Variants in MRM3 observed in about 807,000 individuals in gnomAD.
The protein encoded by MRM3 is rRNA methyltransferase 3, mitochondrial.
In MRM3, 26 loss-of-function variants were observed where a neutral mutation model predicts 29.4. The observed-to-expected ratio is 0.89, with a 90% confidence interval of 0.65 to 1.23. The LOEUF is 1.23. Ranked by LOEUF, MRM3 falls within the 50% of genes most tolerant of loss-of-function variation. The probability of loss-of-function intolerance (pLI) is 0.00; values close to 1 mark genes in which losing one functional copy is unlikely to be tolerated. For missense variants in MRM3, 578 were observed against 540.2 expected, an observed-to-expected ratio of 1.07 and a Z score of -0.69; for synonymous variants, 225 against 219.0, an observed-to-expected ratio of 1.03 and a Z score of -0.24.
At position 792,430 on chromosome 17, in the gene MRM3, C is replaced by T. The variant is rs1001047437; in HGVS notation, c.*361C>T. On this transcript the variant is annotated 3_prime_UTR_variant, in exon 4 of 4. Coordinates refer to ENST00000304478, the MANE Select transcript of MRM3 (RefSeq NM_018146.4). Reference sequence around the variant, plus strand: ...GGTGGGTGTTTGTAATCGCCAAGCACCAGCTATAGGTCACAGCCACATCAC... The same window carrying T: ...GGTGGGTGTTTGTAATCGCCAAGCATCAGCTATAGGTCACAGCCACATCAC... 11 of 243,316 alleles carry T rather than the reference C, an allele frequency of 4.5e-5. No individual in the cohort carries two copies. In the Admixed American group the frequency reaches 4.5e-4, roughly 10 times the overall value. The allele number at this position is 243,316 out of a possible 1,614,324, so 15.1% of individuals were successfully genotyped here.
intron 3 of MRM3, among the ~76,000 whole-genome samples, chr17:791,090 G>C (rs1219310029): frequency 6.6e-6 from 1 of 152,192 alleles, no homozygotes; most frequent in African/African-American, 2.4e-5. Context: ...TCTGTCCTCT[G>C]CCTGGGCCTT....
At position 787,634 on chromosome 17, in the gene MRM3, C is replaced by T. The variant is rs538675401; in HGVS notation, c.560-331C>T. Among the ~76,000 whole-genome samples, 5 of 152,208 alleles carry T rather than the reference C, an allele frequency of 3.3e-5. No homozygotes were observed. The South Asian group carries it at 1.0e-3, about 32-fold the overall frequency. ...CGTGATCTTGGCTCACCACAACCTCCACCTCCCAGATTCAAGCGATTCTCC... is the reference window on the plus strand; with the variant it reads ...CGTGATCTTGGCTCACCACAACCTCTACCTCCCAGATTCAAGCGATTCTCC... On this transcript the variant is annotated intron_variant, in intron 2 of 3. Transcript: ENST00000304478. This position sits in a 1 kb window ranked among gnomAD's most constrained non-coding sequence, Gnocchi z 4.1.
Position 787,227 on chromosome 17 carries a change from CAG to C in MRM3, c.560-735_560-734del, listed in dbSNP as rs1910575390. 6.6e-6 allele frequency among the ~76,000 whole-genome samples: 1 copy of C among 151,852 alleles called. No homozygotes were observed. Among genetic ancestry groups the C allele is most frequent in the Non-Finnish European group, 1.5e-5 (1 of 67,998 alleles). ...CACCATTGTACTCCAGCCTGGGCAA[CAG>C]AGTGAGAGAGTGGGACTCTGTCTCA... is the stretch of plus-strand genomic sequence containing the variant. On this transcript the variant is annotated intron_variant, in intron 2 of 3. Coordinates refer to ENST00000304478, the MANE Select transcript of MRM3 (RefSeq NM_018146.4). This position sits in a 1 kb window ranked among gnomAD's most constrained non-coding sequence, Gnocchi z 4.1.
At chr17:786,972 G>A (rs1217976749) in intron 2 of MRM3, among the ~76,000 whole-genome samples, 1 of 152,136 alleles carries the variant, frequency 6.6e-6, no homozygotes, top group Admixed American at 6.6e-5. Flanking sequence ...GCTGGGCATG[G>A]TGGCTCACAA....
At position 782,415 on chromosome 17, in the gene MRM3, C is replaced by G. The variant is rs1346925802; in HGVS notation, c.37C>G (p.Arg13Gly). 6.2e-7 allele frequency: 1 copy of G among 1,613,844 alleles called. No individual in the cohort carries two copies. Among genetic ancestry groups the G allele is most frequent in the Non-Finnish European group, 8.5e-7 (1 of 1,179,964 alleles). Reference protein sequence around the residue: ...ALVRPARFVVRPLLQVVQAWD... With the variant: ...ALVRPARFVVGPLLQVVQAWD... ...GGTGAGACCCGCGAGGTTTGTCGTG[C>G]GACCGTTGCTGCAGGTGGTCCAGGC... Residue 13 changes from arginine (R) to glycine (G), a missense_variant, in exon 1 of 4, where the codon CGA becomes GGA. Coordinates refer to ENST00000304478, the MANE Select transcript of MRM3 (RefSeq NM_018146.4).
In MRM3 at chr17:782,478, C is replaced by G; in HGVS notation, c.100C>G (p.Arg34Gly). The change falls in exon 1 of 4, where the codon CGG (arginine) becomes GGG (glycine). Residue 34 changes from arginine (R) to glycine (G), a missense_variant. Transcript: ENST00000304478. ...CGCGAGGCGCTGGGTCCGGGCGCTG[C>G]GGCGGAGCCCAGTGAAAGTGGTGTT... is the stretch of plus-strand genomic sequence containing the variant. ...LDARRWVRALRRSPVKVVFPS... is the reference protein window; with the variant it reads ...LDARRWVRALGRSPVKVVFPS... 6.2e-7 allele frequency: 1 copy of G among 1,613,718 alleles called. No homozygotes were observed. Among genetic ancestry groups the G allele is most frequent in the Non-Finnish European group, 8.5e-7 (1 of 1,179,754 alleles).
chr17:787,976 A>G lies in MRM3; in HGVS notation c.571A>G (p.Lys191Glu), dbSNP rs780954321. 32 of 1,613,462 alleles carry G rather than the reference A, an allele frequency of 2.0e-5. No homozygotes were observed. The East Asian group carries it at 6.7e-4, about 34-fold the overall frequency. Residue 191 changes from lysine to glutamate, a missense_variant, in exon 3 of 4, where the codon AAG becomes GAG. Lys to Glu is a moderately conservative substitution (Grantham distance 56, BLOSUM62 1). Coordinates refer to ENST00000304478, the MANE Select transcript of MRM3 (RefSeq NM_018146.4). The surrounding 1 kb of genome is among the most constrained non-coding windows in gnomAD (Gnocchi z 4.1). The stretch of plus-strand genomic sequence containing the variant: ...TTTTGTTTCCTCAGGGATTTTTGCC[A>G]AGCCTGACCATGTTAAGATGACATA... ...TPQGIMGIFA[K>E]PDHVKMTYPK... is the part of the protein sequence containing the mutation.
In MRM3 at chr17:790,968, C is replaced by T. The variant is rs372898947; in HGVS notation, c.728-566C>T. Among the ~76,000 whole-genome samples the T allele has an allele frequency of 2.9e-5, 4 of 138,790 alleles. No homozygotes were observed. The East Asian group carries it at 9.0e-4, about 31-fold the overall frequency. The allele number at this position is 138,790 out of a possible 152,430, so 91.1% of individuals were successfully genotyped here. A position where few individuals can be genotyped will look rare whatever the true frequency, so the allele number is the denominator to read the frequency against. ...CCTCAACTGTGCCACCACACCCCCACCGGCTGATTGGCTGGCTCACCTCCT... is the reference window on the plus strand; with the variant it reads ...CCTCAACTGTGCCACCACACCCCCATCGGCTGATTGGCTGGCTCACCTCCT... On this transcript the variant is annotated intron_variant, in intron 3 of 3. Coordinates refer to ENST00000304478, the MANE Select transcript of MRM3 (RefSeq NM_018146.4).
rs763130813 is a variant in MRM3 at position 791,959 on chromosome 17, G to C, written c.1153G>C (p.Gly385Arg). The C allele has an allele frequency of 1.9e-6, 3 of 1,614,064 alleles. No individual in the cohort carries two copies. The highest frequency in any genetic ancestry group is 1.1e-5 in the South Asian group (1 of 91,088). Residue 385 changes from glycine (G) to arginine (R), a missense_variant, in exon 4 of 4, where the codon GGT becomes CGT. Coordinates refer to ENST00000304478, the MANE Select transcript of MRM3 (RefSeq NM_018146.4). ...GKRLLIPVVPGVDSLNSAMAA... is the reference protein window; with the variant it reads ...GKRLLIPVVPRVDSLNSAMAA... ...GAGGCTGCTGATCCCCGTTGTGCCT[G>C]GTGTGGACAGCCTCAACTCGGCCAT...
intron 3 of MRM3, among the ~76,000 whole-genome samples, chr17:791,216 G>A (rs1910804958): frequency 6.6e-6 from 1 of 152,138 alleles, no homozygotes; most frequent in Non-Finnish European, 1.5e-5. Context: ...GTAGCCATCT[G>A]TTTAATACCA....
chr17:788,106 G>C lies in MRM3; in HGVS notation c.701G>C (p.Gly234Ala), dbSNP rs1027832503. 17 of 1,614,054 alleles carry C rather than the reference G, an allele frequency of 1.1e-5. No individual in the cohort carries two copies. The highest frequency in any genetic ancestry group is 1.7e-5 in the Admixed American group (1 of 59,990). Residue 234 changes from glycine to alanine, a missense_variant, in exon 3 of 4, where the codon GGC (glycine) becomes GCC (alanine). Transcript: ENST00000304478. ...GTILRSAAGA[G>A]CSKVLLTKGC... is the part of the protein sequence containing the mutation. The stretch of plus-strand genomic sequence containing the variant: ...ATTCTGAGATCTGCAGCTGGGGCAG[G>C]CTGCAGCAAAGTGTTACTCACCAAA...
In MRM3 at chr17:782,598, C is replaced by T; in HGVS notation, c.220C>T (p.Gln74Ter). The change falls in exon 1 of 4, where the codon CAA (glutamine) becomes TAA (stop). Residue 74 changes from glutamine to a stop codon, truncating the protein, a stop_gained. Coordinates refer to ENST00000304478, the MANE Select transcript of MRM3 (RefSeq NM_018146.4). LOFTEE classifies it high-confidence loss of function. The part of the protein sequence containing the change: ...EASAQEQREK[Q>*]PLEESASRAP... The stretch of plus-strand genomic sequence containing the variant: ...CAGTGCCCAGGAGCAACGAGAGAAA[C>T]AACCGCTCGAGGAGTCCGCATCCCG... 1.2e-6 allele frequency: 2 copies of T among 1,614,094 alleles called. No individual in the cohort carries two copies. Among genetic ancestry groups the T allele is most frequent in the Non-Finnish European group, 1.7e-6 (2 of 1,180,006 alleles).
chr17:790,236 G>C (rs534226381), intron 3 of MRM3: 4 of 152,606 alleles, frequency 2.6e-5, no homozygotes, highest in Admixed American at 2.6e-4. Flanking sequence ...CCGCCCCTGG[G>C]AAAGGCCAGG....
Position 788,194 on chromosome 17 carries a change from G to A in MRM3, c.727+62G>A, listed in dbSNP as rs113121457. ...TCGTAATCCAGCCCTTTGGGAGGCC[G>A]AGGCAGGAGGGTCACTTGAGCCCAG... On this transcript the variant is annotated intron_variant, in intron 3 of 3. Transcript: ENST00000304478. 8 of 1,551,218 alleles carry A rather than the reference G, an allele frequency of 5.2e-6. No homozygotes were observed. In the East Asian group the frequency reaches 6.8e-5, roughly 13 times the overall value.
chr17:786,245 C>T (rs1180780264), intron 2 of MRM3, among the ~76,000 whole-genome samples: 1 of 152,186 alleles, frequency 6.6e-6, no homozygotes, highest in African/African-American at 2.4e-5. Context: ...GGATTACAGG[C>T]ATGCGCCACC....
In MRM3 at chr17:792,360, T is replaced by G; in HGVS notation, c.*291T>G. 3.1e-6 allele frequency: 1 copy of G among 326,744 alleles called. No individual in the cohort carries two copies. The highest frequency in any genetic ancestry group is 5.7e-5 in the East Asian group (1 of 17,554). The allele number at this position is 326,744 out of a possible 1,614,324, so 20.2% of individuals were successfully genotyped here. ...CAAGAAGCACTTTGTGCCCAGAAAG[T>G]TCCTGAAGCATCATCCTGGCAGGGA... On this transcript the variant is annotated 3_prime_UTR_variant, in exon 4 of 4. Transcript: ENST00000304478.
intron 3 of MRM3, 93 bp from the exon 4 acceptor site, chr17:791,441 T>TATC (rs1681319662): frequency 4.5e-6 from 6 of 1,325,354 alleles, no homozygotes; most frequent in Non-Finnish European, 6.2e-6. Flanking sequence ...AGAACTGGTT[T>TATC]ATCTCCTGAT....
chr17:785,280 A>G (rs753700984), intron 2 of MRM3, among the ~76,000 whole-genome samples: 5 of 152,228 alleles, frequency 3.3e-5, no homozygotes, highest in Non-Finnish European at 5.9e-5. Context: ...TCTATACCAC[A>G]GCAATTTCAT....
In MRM3 at chr17:783,245, G is replaced by A; in HGVS notation, c.477G>A (p.Lys159=). 1 of 1,614,032 alleles carries A rather than the reference G, an allele frequency of 6.2e-7. No homozygotes were observed. The highest frequency in any genetic ancestry group is 8.5e-7 in the Non-Finnish European group (1 of 1,179,970). ...ACCTAAAGGAGTTGCCAGTCGATAAGCTGAAAGGTGTCAGCCTCATTAAGG... is the reference window on the plus strand; with the variant it reads ...ACCTAAAGGAGTTGCCAGTCGATAAACTGAAAGGTGTCAGCCTCATTAAGG... ...LEYLKELPVD[K]LKGVSLIKVK... The change falls in exon 2 of 4, where the codon AAG becomes AAA. Residue 159 remains lysine, a synonymous_variant. Transcript: ENST00000304478.
Sources: allele counts gnomAD v4.1 joint callset (sites outside exome capture counted in the v4.1 genomes callset), GRCh38; gene constraint gnomAD v4.1.1; non-coding constraint Gnocchi (gnomAD v3.1); transcripts MANE v1.5; gene names NCBI Gene and HGNC (gene_info 2026-07-23, HGNC 2026-07-21).